The following SGMS2 variants were observed in gnomAD, a reference collection of about 807,000 sequenced individuals.
SGMS2 encodes sphingomyelin synthase 2, also known as phosphatidylcholine:ceramide cholinephosphotransferase 2.
SGMS2 carries 21 observed loss-of-function variants against 43.8 expected under a neutral mutation model. The observed-to-expected ratio is 0.48, with a 90% CI of 0.34 to 0.69. The LOEUF (loss-of-function observed/expected upper bound fraction) is 0.69. SGMS2 is among the 30% of genes least tolerant of loss of function. SGMS2 has a pLI of 0.01. For missense variants in SGMS2, 384 were observed against 443.2 expected (o/e 0.87, Z 1.20); for synonymous variants, 167 against 160.6 (o/e 1.04, Z -0.30).
Position 107,838,626 on chromosome 4 carries a change from T to C in SGMS2, c.-327+13373T>C, listed in dbSNP as rs375399417. On this transcript the variant is annotated intron_variant, in intron 1 of 6. Coordinates refer to ENST00000690982, the MANE Select transcript of SGMS2 (RefSeq NM_001375905.1). The stretch of plus-strand genomic sequence containing the variant: ...GTTCCAAAGTTCGCAGGCCCTTCTT[T>C]GTCACTCCACTACTATATTATAATC... 1.3e-4 allele frequency among the ~76,000 whole-genome samples: 20 copies of C among 152,304 alleles called. No individual in the cohort carries two copies. In the East Asian group the frequency reaches 1.7e-3, roughly 13 times the overall value.
Position 107,908,593 on chromosome 4 carries a change from T to C in SGMS2, c.756T>C (p.His252=). 1 of 1,614,032 alleles carries C rather than the reference T, an allele frequency of 6.2e-7. No individual in the cohort carries two copies. The highest frequency in any genetic ancestry group is 2.2e-5 in the East Asian group (1 of 44,884). Residue 252 remains histidine, a synonymous_variant, in exon 6 of 7, where the codon CAT becomes CAC. Transcript: ENST00000690982. ...EYSPRHFWWY[H]LICWLLSAAG... ...CGCCTCGTCACTTCTGGTGGTATCATTTAATCTGCTGGCTGCTGAGTGCTG... is the reference window on the plus strand; with the variant it reads ...CGCCTCGTCACTTCTGGTGGTATCACTTAATCTGCTGGCTGCTGAGTGCTG...
At chr4:107,884,645 G>A (rs894887418) in intron 2 of SGMS2, among the ~76,000 whole-genome samples, 4 of 152,110 alleles carry the variant, frequency 2.6e-5, no homozygotes, top group African/African-American at 2.4e-5. Context: ...ACTCATTGCC[G>A]CCTCTGGAGA....
chr4:107,897,082 C>G (rs1172992579), intron 3 of SGMS2, among the ~76,000 whole-genome samples: 1 of 152,136 alleles, frequency 6.6e-6, no homozygotes, highest in Admixed American at 6.5e-5. Flanking sequence ...TAACACTTTT[C>G]ATTACTTGAT....
chr4:107,909,834 G>A (rs535442974), intron 6 of SGMS2, among the ~76,000 whole-genome samples: 1 of 152,252 alleles, frequency 6.6e-6, no homozygotes, highest in East Asian at 1.9e-4. Context: ...CCAACTCTTG[G>A]TGTCCACTAA....
At chr4:107,893,876 C>T (rs564800105) in intron 2 of SGMS2, among the ~76,000 whole-genome samples, 1 of 152,244 alleles carries the variant, frequency 6.6e-6, no homozygotes, top group East Asian at 1.9e-4. Flanking sequence ...CACAATATGC[C>T]ATTCAGTCTT....
chr4:107,897,346 G>A (rs1433168418), intron 3 of SGMS2, among the ~76,000 whole-genome samples: 1 of 152,158 alleles, frequency 6.6e-6, no homozygotes, highest in Non-Finnish European at 1.5e-5. Context: ...ACCTGCTCCT[G>A]AAATTGTTAA....
At chr4:107,898,655 G>A (rs985603605) in intron 3 of SGMS2, among the ~76,000 whole-genome samples, 2 of 152,150 alleles carry the variant, frequency 1.3e-5, no homozygotes, top group Admixed American at 6.6e-5. Context: ...GAGCTGTCCT[G>A]TTCAGCTGGA....
intron 2 of SGMS2, among the ~76,000 whole-genome samples, chr4:107,868,163 T>C (rs755422442): frequency 1.3e-5 from 2 of 152,162 alleles, no homozygotes; most frequent in African/African-American, 2.4e-5. Flanking sequence ...TAATAATCAC[T>C]TGGGTTTGCA....
intron 2 of SGMS2, among the ~76,000 whole-genome samples, chr4:107,880,317 G>C (rs1467354803): frequency 6.6e-6 from 1 of 152,102 alleles, no homozygotes; most frequent in Non-Finnish European, 1.5e-5. Context: ...ATCTGACAAG[G>C]ACTCTTTTCA....
At chr4:107,873,049 C>G (rs185945985) in intron 2 of SGMS2, among the ~76,000 whole-genome samples, 102 of 152,276 alleles carry the variant, frequency 6.7e-4, no homozygotes, top group Middle Eastern at 3.4e-3. Context: ...TATGATTCTA[C>G]CAGCAGCTCA....
chr4:107,858,888 AT>A (rs1224171599), intron 2 of SGMS2, among the ~76,000 whole-genome samples: 1 of 152,246 alleles, frequency 6.6e-6, no homozygotes, highest in Admixed American at 6.5e-5. Flanking sequence ...AGAGCACTCA[AT>A]TAACTGTCTC....
chr4:107,869,114 T>C (rs1169468853), intron 2 of SGMS2, among the ~76,000 whole-genome samples: 1 of 152,164 alleles, frequency 6.6e-6, no homozygotes, highest in Non-Finnish European at 1.5e-5. Context: ...AAGTTATAAA[T>C]GGAAATGAGT....
At chr4:107,850,678 C>A (rs2126014198) in intron 1 of SGMS2, among the ~76,000 whole-genome samples, 1 of 152,264 alleles carries the variant, frequency 6.6e-6, no homozygotes, top group Middle Eastern at 3.4e-3. Context: ...AGCCTCTGAC[C>A]TTGCATGACT....
chr4:107,849,876 A>G (rs1208607956), intron 1 of SGMS2, among the ~76,000 whole-genome samples: 2 of 152,198 alleles, frequency 1.3e-5, no homozygotes, highest in Admixed American at 1.3e-4. Context: ...AATGAAAAAC[A>G]AAGTGAAAAA....
intron 2 of SGMS2, among the ~76,000 whole-genome samples, chr4:107,877,273 C>G (rs143892193): frequency 3.4e-4 from 51 of 152,224 alleles, no homozygotes; most frequent in African/African-American, 1.2e-3. Context: ...GATATCCTGT[C>G]TAAACAAAAC....
intron 6 of SGMS2, among the ~76,000 whole-genome samples, chr4:107,909,400 C>T (rs543101408): frequency 4.0e-4 from 61 of 152,232 alleles, no homozygotes; most frequent in African/African-American, 1.4e-3. Context: ...CGTGAACCAC[C>T]GTGCCCAGCC....
At chr4:107,857,160 G>C (rs1411924679) in intron 1 of SGMS2, among the ~76,000 whole-genome samples, 1 of 152,174 alleles carries the variant, frequency 6.6e-6, no homozygotes, top group Non-Finnish European at 1.5e-5. Flanking sequence ...GAATAATGTT[G>C]TCAGGATTCA....
chr4:107,865,674 C>G (rs1002071621), intron 2 of SGMS2, among the ~76,000 whole-genome samples: 2 of 152,196 alleles, frequency 1.3e-5, no homozygotes. Context: ...GGGAATATGA[C>G]CTTTCAGCTA....
chr4:107,848,867 G>C (rs1244809373), intron 1 of SGMS2, among the ~76,000 whole-genome samples: 1 of 152,082 alleles, frequency 6.6e-6, no homozygotes, highest in African/African-American at 2.4e-5. Context: ...TTTCTTAACA[G>C]TGTTTCTTAG....
Sources: allele counts gnomAD v4.1 joint callset (sites outside exome capture counted in the v4.1 genomes callset), GRCh38; gene constraint gnomAD v4.1.1; transcripts MANE v1.5; gene names NCBI Gene and HGNC (gene_info 2026-07-23, HGNC 2026-07-21).